Variants in PCM1 observed in about 807,000 individuals in gnomAD.
PCM1 encodes the protein pericentriolar material 1 protein.
PCM1 carries 157 observed loss-of-function variants against 241.9 expected under a neutral mutation model. That is an observed-to-expected ratio of 0.65 (90% CI 0.57 to 0.74). The LOEUF is 0.74. PCM1 is among the 30% of genes least tolerant of loss of function. The pLI, the probability that PCM1 is intolerant of heterozygous loss-of-function variation, is 0.00. For synonymous variants in PCM1, 1,085 were observed against 784.9 expected (o/e 1.38, Z -6.39); for missense variants, 3,478 against 2,360.1 (o/e 1.47, Z -9.81).
intron 5 of PCM1, 85 bp downstream of exon 5, chr8:17,939,094 C>T (rs117000699): frequency 1.5e-6 from 2 of 1,361,848 alleles, no homozygotes; most frequent in Admixed American, 4.3e-5. Flanking sequence ...GTTACGCACA[C>T]AGGAATTTTA....
chr8:17,990,354 T>A (rs1234234727), intron 27 of PCM1, among the ~76,000 whole-genome samples: 1 of 152,090 alleles, frequency 6.6e-6, no homozygotes, highest in African/African-American at 2.4e-5. Context: ...CATCTAATCA[T>A]ATTTTTAATA....
rs552933903 is a variant in PCM1 at position 17,932,315 on chromosome 8, C to T, written c.-22-3274C>T. Among the ~76,000 whole-genome samples the T allele has an allele frequency of 4.6e-5, 7 of 152,116 alleles. No homozygotes were observed. In the South Asian group the frequency reaches 8.3e-4, roughly 18 times the overall value. On this transcript the variant is annotated intron_variant, in intron 2 of 38. Transcript: ENST00000325083. ...TGCATATAGAGAGGTAGAATTACTG[C>T]GTCAAAAATTCAGTTTTAGTTCTTG...
chr8:17,937,574 C>G (rs966790403), intron 4 of PCM1, among the ~76,000 whole-genome samples, 195 bp downstream of exon 4: 3 of 152,148 alleles, frequency 2.0e-5, no homozygotes, highest in Non-Finnish European at 4.4e-5. Flanking sequence ...CATTTCTAAA[C>G]TTGCTAAAGA....
In PCM1 at chr8:18,029,247, G is replaced by C. The variant is rs534954119; in HGVS notation, c.*1585G>C. 1.3e-4 allele frequency: 26 copies of C among 199,986 alleles called. No homozygotes were observed. The highest frequency in any genetic ancestry group is 5.1e-4 in the African/African-American group (22 of 43,326). The allele number at this position is 199,986 out of a possible 1,614,324, so 12.4% of individuals were successfully genotyped here. On this transcript the variant is annotated 3_prime_UTR_variant, in exon 39 of 39. Coordinates refer to ENST00000325083, the MANE Select transcript of PCM1 (RefSeq NM_006197.4). The stretch of plus-strand genomic sequence containing the variant: ...GAGTATTAAATGAGGATTTCCCTGC[G>C]AGGACATTTACTGTATTGCTACTTA...
At chr8:17,923,774 G>C (rs890198926) in intron 1 of PCM1, among the ~76,000 whole-genome samples, 1 of 152,096 alleles carries the variant, frequency 6.6e-6, no homozygotes, top group Non-Finnish European at 1.5e-5. Flanking sequence ...TTCCTGGGAA[G>C]GTTAATGGAG....
Position 17,937,115 on chromosome 8 carries a change from T to C in PCM1, c.97-19T>C. 2 of 1,530,778 alleles carry C rather than the reference T, an allele frequency of 1.3e-6. No homozygotes were observed. Among genetic ancestry groups the C allele is most frequent in the Non-Finnish European group, 1.8e-6 (2 of 1,136,364 alleles). 94.8% of individuals were successfully genotyped at this position (1,530,778 alleles called of 1,614,324 possible). ...GTTTGATACAGGCCATGTTAATTTT[T>C]GCTTTTACTTTTTTAAAGGATTGGG... On this transcript the variant is annotated intron_variant, in intron 3 of 38. Coordinates refer to ENST00000325083, the MANE Select transcript of PCM1 (RefSeq NM_006197.4).
intron 36 of PCM1, among the ~76,000 whole-genome samples, chr8:18,023,921 C>G (rs1371662480): frequency 6.6e-6 from 1 of 152,128 alleles, no homozygotes; most frequent in Non-Finnish European, 1.5e-5. Flanking sequence ...ACTTCTGTGT[C>G]AGTAGTGGTT....
chr8:17,961,731 T>G (rs1479566207), intron 15 of PCM1, among the ~76,000 whole-genome samples: 1 of 152,148 alleles, frequency 6.6e-6, no homozygotes, highest in Non-Finnish European at 1.5e-5. Context: ...TCTCCTTATC[T>G]CCAATCTAAA....
At chr8:18,008,556 A>G (rs1174283296) in intron 30 of PCM1, among the ~76,000 whole-genome samples, 2 of 152,156 alleles carry the variant, frequency 1.3e-5, no homozygotes, top group African/African-American at 4.8e-5. Flanking sequence ...TCCTGGTGCC[A>G]GAAAGGTTGG....
intron 7 of PCM1, among the ~76,000 whole-genome samples, chr8:17,948,997 T>G (rs2064972964): frequency 6.6e-6 from 1 of 152,194 alleles, no homozygotes; most frequent in Non-Finnish European, 1.5e-5. Flanking sequence ...ATATAGAATT[T>G]TAGCAGAATT....
At chr8:17,954,048 C>G (rs569084360) in intron 9 of PCM1, among the ~76,000 whole-genome samples, 1 of 152,322 alleles carries the variant, frequency 6.6e-6, no homozygotes, top group South Asian at 2.1e-4. Context: ...CTAAAACATA[C>G]TCCTTTCTTT....
In PCM1 at chr8:17,957,679, G is replaced by A. The variant is rs1270264110; in HGVS notation, c.1944G>A (p.Glu648=). 3.1e-6 allele frequency: 5 copies of A among 1,610,458 alleles called. No homozygotes were observed. Among genetic ancestry groups the A allele is most frequent in the Non-Finnish European group, 4.2e-6 (5 of 1,178,066 alleles). The part of the protein sequence containing the change: ...LSSHRSSLVD[E]HPEDAEFEQK... ...GTCACAGGAGCAGTCTGGTTGATGA[G>A]CATCCAGAAGATGCTGAATTTGAAC... The change falls in exon 13 of 39, where the codon GAG becomes GAA. Residue 648 remains glutamate (E), a synonymous_variant. Transcript: ENST00000325083.
rs1188133559 is a variant in PCM1 at position 17,985,814 on chromosome 8, T to C, written c.4282-145T>C. ...ATTTTTTTTGAGTACTTTTTCAGTGTTTTGTCTACTTCCTCACACTTAACC... is the reference window on the plus strand; with the variant it reads ...ATTTTTTTTGAGTACTTTTTCAGTGCTTTGTCTACTTCCTCACACTTAACC... On this transcript the variant is annotated intron_variant, in intron 25 of 38. Coordinates refer to ENST00000325083, the MANE Select transcript of PCM1 (RefSeq NM_006197.4). 17 of 719,760 alleles carry C rather than the reference T, an allele frequency of 2.4e-5. No homozygotes were observed. The East Asian group carries it at 4.8e-4, about 20-fold the overall frequency. 44.6% of individuals were successfully genotyped at this position (719,760 alleles called of 1,614,324 possible).
At chr8:18,026,735 C>T (rs73196063) in intron 38 of PCM1, among the ~76,000 whole-genome samples, 2,714 of 152,008 alleles carry the variant, frequency 0.018, 32 homozygotes, top group Middle Eastern at 0.027. Flanking sequence ...TTTGTTTGTT[C>T]TATTTTTTAC....
chr8:17,930,354 T>C (rs796542828), intron 2 of PCM1, among the ~76,000 whole-genome samples: 16 of 151,644 alleles, frequency 1.1e-4, no homozygotes, highest in African/African-American at 2.7e-4. Context: ...CCGCCTGCCT[T>C]GGCCTCCCAA....
At chr8:17,952,038 C>G (rs921706161) in intron 8 of PCM1, among the ~76,000 whole-genome samples, 8 of 152,024 alleles carry the variant, frequency 5.3e-5, no homozygotes, top group African/African-American at 1.9e-4. Flanking sequence ...GCCTGGCCAA[C>G]ATGGTGAAAC....
At chr8:17,933,575 AT>A (rs1303780747) in intron 2 of PCM1, among the ~76,000 whole-genome samples, 1 of 151,992 alleles carries the variant, frequency 6.6e-6, no homozygotes, top group Non-Finnish European at 1.5e-5. Flanking sequence ...ACTTATTCAC[AT>A]TTTTTCTCCC....
intron 35 of PCM1, 128 bp from the exon 36 acceptor site, chr8:18,014,456 G>C: frequency 1.5e-6 from 1 of 670,728 alleles, no homozygotes; most frequent in Non-Finnish European, 2.2e-6. Flanking sequence ...AAAATTTGTA[G>C]TTGCCTTTTC....
chr8:17,953,730 C>CT (rs2066946229), intron 9 of PCM1, among the ~76,000 whole-genome samples: 1 of 152,100 alleles, frequency 6.6e-6, no homozygotes, highest in South Asian at 2.1e-4. Flanking sequence ...CGGGAGTTAT[C>CT]TTTTTTGCTC....
Sources: allele counts gnomAD v4.1 joint callset (sites outside exome capture counted in the v4.1 genomes callset), GRCh38; gene constraint gnomAD v4.1.1; transcripts MANE v1.5; gene names NCBI Gene and HGNC (gene_info 2026-07-23, HGNC 2026-07-21).